Variants in FAM135B observed in about 807,000 individuals in gnomAD.
FAM135B encodes the protein protein FAM135B.
A neutral mutation model predicts 127.7 loss-of-function variants in FAM135B; 43 were observed. The ratio of observed to expected loss-of-function variants is 0.34; its 90% CI spans 0.26 to 0.43. The LOEUF (loss-of-function observed/expected upper bound fraction) is 0.43, where lower values mean the gene tolerates loss of function less well. Among genes scored for constraint, FAM135B ranks in the 20% least tolerant of loss-of-function variants. FAM135B has a pLI of 1.00. For synonymous variants in FAM135B, 670 were observed against 665.1 expected, an observed-to-expected ratio of 1.01 and a Z score of -0.11; for missense variants, 1,558 against 1,725.6, an observed-to-expected ratio of 0.90 and a Z score of 1.72.
chr8:138,399,295 C>A (rs981720273), intron 1 of FAM135B, among the ~76,000 whole-genome samples: 4 of 152,078 alleles, frequency 2.6e-5, no homozygotes, highest in African/African-American at 9.7e-5. Context: ...GACTTATTGT[C>A]GCTTTCCATT....
At chr8:138,336,796 C>A (rs1163526246) in intron 2 of FAM135B, among the ~76,000 whole-genome samples, 3 of 152,072 alleles carry the variant, frequency 2.0e-5, no homozygotes, top group Non-Finnish European at 4.4e-5. Flanking sequence ...CTGGCAGAGA[C>A]ACAACAAAAA....
At chr8:138,155,696 A>G (rs1167136700) in intron 12 of FAM135B, among the ~76,000 whole-genome samples, 2 of 152,140 alleles carry the variant, frequency 1.3e-5, no homozygotes, top group African/African-American at 2.4e-5. Context: ...AAAAAGACAA[A>G]GAAAGCCATT....
intron 1 of FAM135B, among the ~76,000 whole-genome samples, chr8:138,484,405 G>A (rs1814907953): frequency 6.6e-6 from 1 of 152,174 alleles, no homozygotes; most frequent in Admixed American, 6.5e-5. Context: ...ACCCTTCACA[G>A]GGGATATCTA....
intron 1 of FAM135B, among the ~76,000 whole-genome samples, chr8:138,490,661 C>G (rs1815157611): frequency 6.6e-6 from 1 of 152,202 alleles, no homozygotes; most frequent in African/African-American, 2.4e-5. Flanking sequence ...ACCACTACCT[C>G]CCTCCAGCTA....
chr8:138,153,598 C>G (rs1394149864), intron 12 of FAM135B, among the ~76,000 whole-genome samples: 1 of 152,226 alleles, frequency 6.6e-6, no homozygotes, highest in Non-Finnish European at 1.5e-5. Context: ...TAATACTGCA[C>G]TTTTCCAACT....
In FAM135B at chr8:138,219,420, T is replaced by G. The variant is rs540061980; in HGVS notation, c.670-21751A>C. Among the ~76,000 whole-genome samples the G allele has an allele frequency of 5.3e-5, 8 of 152,298 alleles. No individual in the cohort carries two copies. The South Asian group carries it at 1.7e-3, about 32-fold the overall frequency. On this transcript the variant is annotated intron_variant, in intron 7 of 19. Coordinates refer to ENST00000395297, the MANE Select transcript of FAM135B (RefSeq NM_015912.4). Reference sequence around the variant, plus strand: ...GGCAGCTTTCATCGTAGGGGTTGATTTGCTGCCTTTAGTCATTTCACAGAA... The same window carrying G: ...GGCAGCTTTCATCGTAGGGGTTGATGTGCTGCCTTTAGTCATTTCACAGAA...
intron 3 of FAM135B, among the ~76,000 whole-genome samples, chr8:138,294,025 A>C (rs1479459918): frequency 6.6e-6 from 1 of 152,208 alleles, no homozygotes; most frequent in Non-Finnish European, 1.5e-5. Context: ...GAGTAGGTAA[A>C]GAAAATATGC....
chr8:138,400,025 C>A (rs1315288093), intron 1 of FAM135B, among the ~76,000 whole-genome samples: 1 of 152,112 alleles, frequency 6.6e-6, no homozygotes, highest in African/African-American at 2.4e-5. Context: ...AGTCCCAGGC[C>A]CCCTGCAGAG....
chr8:138,223,866 C>A (rs749658894), intron 7 of FAM135B, among the ~76,000 whole-genome samples: 8 of 152,144 alleles, frequency 5.3e-5, no homozygotes, highest in Non-Finnish European at 7.3e-5. Flanking sequence ...TAAAAAATCA[C>A]AAAATTATTT....
rs1168651520 is a variant in FAM135B, at chr8:138,146,068, C to A, written c.3449-18G>T. On this transcript the variant is annotated intron_variant, in intron 14 of 19. Coordinates refer to ENST00000395297, the MANE Select transcript of FAM135B (RefSeq NM_015912.4). ...ACTGTTCCCTAAAAATGACAGATAA[C>A]CCCCATCCCAGTCCCGTAGTTAGTC... The A allele has an allele frequency of 1.4e-6, 2 of 1,394,698 alleles. No individual in the cohort carries two copies. Among genetic ancestry groups the A allele is most frequent in the Non-Finnish European group, 1.0e-6 (1 of 983,702 alleles). The allele number at this position is 1,394,698 out of a possible 1,614,324, so 86.4% of individuals were successfully genotyped here.
chr8:138,252,318 T>C (rs564037131), intron 5 of FAM135B, among the ~76,000 whole-genome samples: 4 of 152,314 alleles, frequency 2.6e-5, no homozygotes, highest in African/African-American at 9.6e-5. Context: ...CAAGAGTTAA[T>C]CAAAGCCACA....
At chr8:138,391,321 C>T (rs1042780521) in intron 1 of FAM135B, among the ~76,000 whole-genome samples, 1 of 152,010 alleles carries the variant, frequency 6.6e-6, no homozygotes, top group Non-Finnish European at 1.5e-5. Flanking sequence ...CTACAGAGCC[C>T]CCAGGACTGG....
intron 1 of FAM135B, among the ~76,000 whole-genome samples, chr8:138,429,665 GA>G (rs957668455): frequency 5.3e-5 from 8 of 152,168 alleles, no homozygotes; most frequent in African/African-American, 1.9e-4. Flanking sequence ...AATCCAATAT[GA>G]TGACTGTGTT....
At chr8:138,347,793 G>A (rs1041640974) in intron 2 of FAM135B, among the ~76,000 whole-genome samples, 3 of 152,020 alleles carry the variant, frequency 2.0e-5, no homozygotes, top group Admixed American at 6.6e-5. Context: ...ATCTCACAAC[G>A]GGCAGCCAAG....
intron 7 of FAM135B, among the ~76,000 whole-genome samples, chr8:138,224,284 A>T (rs1819244951): frequency 6.6e-6 from 1 of 152,246 alleles, no homozygotes; most frequent in Admixed American, 6.5e-5. Flanking sequence ...CTCTGTAGTT[A>T]GCACATTCAG....
At chr8:138,140,960 T>C (rs946677633) in intron 17 of FAM135B, among the ~76,000 whole-genome samples, 4 of 152,064 alleles carry the variant, frequency 2.6e-5, no homozygotes, top group Non-Finnish European at 5.9e-5. Context: ...CCCAGAGACA[T>C]TGCCTTTTTT....
intron 5 of FAM135B, among the ~76,000 whole-genome samples, chr8:138,254,122 C>G (rs955623076): frequency 6.6e-6 from 1 of 152,186 alleles, no homozygotes; most frequent in Admixed American, 6.5e-5. Context: ...CATATATTGT[C>G]TCTCTTAATC....
chr8:138,491,084 T>G (rs2131697064), intron 1 of FAM135B, among the ~76,000 whole-genome samples: 1 of 143,352 alleles, frequency 7.0e-6, no homozygotes, highest in South Asian at 2.2e-4. Flanking sequence ...GAGGTTGCAG[T>G]GAGCCGAGAT....
At chr8:138,489,913 A>C (rs1815134677) in intron 1 of FAM135B, among the ~76,000 whole-genome samples, 2 of 152,236 alleles carry the variant, frequency 1.3e-5, no homozygotes, top group Admixed American at 6.5e-5. Context: ...TGGCATTCCC[A>C]AGTGGGGTTA....
Sources: allele counts gnomAD v4.1 joint callset (sites outside exome capture counted in the v4.1 genomes callset), GRCh38; gene constraint gnomAD v4.1.1; transcripts MANE v1.5; gene names NCBI Gene and HGNC (gene_info 2026-07-23, HGNC 2026-07-21).